Variants in ABCA2 observed in about 807,000 individuals in gnomAD.
The protein encoded by ABCA2 is ATP binding cassette subfamily A member 2.
A neutral mutation model predicts 262.8 loss-of-function variants in ABCA2; 84 were observed. The observed-to-expected ratio is 0.32, with a 90% CI of 0.27 to 0.38. The LOEUF (loss-of-function observed/expected upper bound fraction) is 0.38, where lower values mean the gene tolerates loss of function less well. Among genes scored for constraint, ABCA2 ranks in the 10% least tolerant of loss-of-function variants. The pLI is 1.00. For missense variants in ABCA2, 2,662 were observed against 3,405.9 expected (o/e 0.78, Z 5.44); for synonymous variants, 1,696 against 1,502.9 (o/e 1.13, Z -2.97).
At position 137,017,270 on chromosome 9, in the gene ABCA2, C is replaced by G; in HGVS notation, c.2479G>C (p.Val827Leu). 6.2e-7 allele frequency: 1 copy of G among 1,612,654 alleles called. No individual in the cohort carries two copies. The highest frequency in any genetic ancestry group is 8.5e-7 in the Non-Finnish European group (1 of 1,179,924). ...CGGIIYFLSY[V>L]PYMYVAIREE... ...CGGATCGCCACGTACATGTAGGGCA[C>G]GTAGCTCAGGAAGTAGATGATGCCA... Residue 827 changes from valine (V) to leucine (L), a missense_variant, in exon 18 of 49, where the codon GTG (valine) becomes CTG (leucine). By Grantham distance (32) the Val-to-Leu change is conservative. Around this residue, in one of 12 missense-constraint regions of ABCA2, gnomAD observed 188 missense variants for 343.4 expected, o/e 0.55. Transcript: ENST00000341511.
In ABCA2 at chr9:137,010,965, C is replaced by G; in HGVS notation, c.6056+8G>C. The G allele has an allele frequency of 1.3e-6, 2 of 1,515,244 alleles. No homozygotes were observed. Among genetic ancestry groups the G allele is most frequent in the Non-Finnish European group, 1.8e-6 (2 of 1,119,106 alleles). The allele number at this position is 1,515,244 out of a possible 1,614,324, so 93.9% of individuals were successfully genotyped here. A position where few individuals can be genotyped will look rare whatever the true frequency, so the allele number is the denominator to read the frequency against. The stretch of plus-strand genomic sequence containing the variant: ...CCCCGCCCCCGCCCCACCCCGCCCC[C>G]CACTCACTGTGGCCGCCGCAGGAAG... On this transcript the variant is annotated splice_region_variant and intron_variant, in intron 39 of 48. Transcript: ENST00000341511.
intron 47 of ABCA2, 26 bp from the exon 48 acceptor site, chr9:137,008,648 G>C (rs1192021552): frequency 1.6e-5 from 25 of 1,586,266 alleles, no homozygotes; most frequent in Non-Finnish European, 2.1e-5. Flanking sequence ...GGCGTGTGGG[G>C]AGGGGGCTGG....
intron 14 of ABCA2, 43 bp downstream of exon 14, chr9:137,018,135 C>A (rs906140477): frequency 6.2e-7 from 1 of 1,609,908 alleles, no homozygotes; most frequent in Admixed American, 1.7e-5. Flanking sequence ...CACCTGTCCT[C>A]CCCCATGAAT....
chr9:137,012,402 G>A, intron 32 of ABCA2, 26 bp from the exon 33 acceptor site: 1 of 1,609,662 alleles, frequency 6.2e-7, no homozygotes. Context: ...GACACAGAAA[G>A]GCCCCAGGAC....
rs759840269 is a variant in ABCA2 at position 137,014,725 on chromosome 9, G to A, written c.3968C>T (p.Ser1323Leu). The A allele has an allele frequency of 2.5e-6, 4 of 1,605,050 alleles. No homozygotes were observed. The highest frequency in any genetic ancestry group is 2.2e-5 in the East Asian group (1 of 44,588). Residue 1323 changes from serine (S) to leucine (L), a missense_variant, in exon 26 of 49, where the codon TCG becomes TTG. Around this residue, in one of 12 missense-constraint regions of ABCA2, gnomAD observed 297 missense variants for 286.5 expected, o/e 1.04. Transcript: ENST00000341511. The stretch of plus-strand genomic sequence containing the variant: ...GTTCTCCAGCGACTGATCCTCCTCC[G>A]ACACCTTGAGGAACACTTCCTCCAG... ...TTLEEVFLKV[S>L]EEDQSLENSE...
intron 1 of ABCA2, among the ~76,000 whole-genome samples, chr9:137,025,242 G>A (rs934936941): frequency 3.9e-5 from 6 of 152,350 alleles, no homozygotes; most frequent in Middle Eastern, 3.4e-3. Context: ...CACTTCACCT[G>A]AAAACCAAGG....
Position 137,022,922 on chromosome 9 carries a change from G to A in ABCA2, c.275+19C>T. The A allele has an allele frequency of 1.3e-6, 2 of 1,561,102 alleles. No homozygotes were observed. Among genetic ancestry groups the A allele is most frequent in the Non-Finnish European group, 1.7e-6 (2 of 1,152,470 alleles). On this transcript the variant is annotated intron_variant, in intron 4 of 48. Transcript: ENST00000341511. The stretch of plus-strand genomic sequence containing the variant: ...GGCTGGGGAGGGGTGGGTGCTCCGA[G>A]GGGCGGGTGGGCACTCACGTGGAGT...
At chr9:137,013,359 GC>G in intron 29 of ABCA2, 41 bp from the exon 30 acceptor site, 1 of 1,527,312 alleles carries the variant, frequency 6.5e-7, no homozygotes, top group South Asian at 1.2e-5. Flanking sequence ...GCCAGTCTCC[GC>G]CCCTCGCCAG....
chr9:137,007,841 C>T lies in ABCA2; in HGVS notation c.*88G>A, dbSNP rs187103753. On this transcript the variant is annotated 3_prime_UTR_variant, in exon 49 of 49. Transcript: ENST00000341511. ...CCTCCACTCCAGGCCCTGGCAGGCACTGGGGGACTTCTGTCCCCATTGTTG... is the reference window on the plus strand; with the variant it reads ...CCTCCACTCCAGGCCCTGGCAGGCATTGGGGGACTTCTGTCCCCATTGTTG... 1.6e-4 allele frequency: 250 copies of T among 1,546,900 alleles called. No individual in the cohort carries two copies. In the East Asian group the frequency reaches 5.5e-3, roughly 34 times the overall value.
Position 137,012,553 on chromosome 9 carries a change from T to A in ABCA2, c.5119A>T (p.Ile1707Phe). Residue 1707 changes from isoleucine (I) to phenylalanine (F), a missense_variant, in exon 32 of 49, where the codon ATC becomes TTC. By Grantham distance (21) the Ile-to-Phe change is conservative. This residue lies in a region of ABCA2 where 602 missense variants were observed against 897.4 expected (regional missense o/e 0.67). Transcript: ENST00000341511. ...GCCCTGGTGCCAAATGAGGCTGGGA[T>A]GGACTTCAGGACGTTTCCAAAGGTG... is the stretch of plus-strand genomic sequence containing the variant. ...AITFGNVLKS[I>F]PASFGTRAPP... The A allele has an allele frequency of 4.3e-6, 7 of 1,611,980 alleles. No individual in the cohort carries two copies. The highest frequency in any genetic ancestry group is 5.9e-6 in the Non-Finnish European group (7 of 1,179,884).
chr9:137,018,880 G>A (rs758734026), intron 12 of ABCA2, 23 bp downstream of exon 12: 5 of 1,611,980 alleles, frequency 3.1e-6, no homozygotes. Flanking sequence ...GTCGTGGGTT[G>A]GCTCGGAGGC....
intron 3 of ABCA2, 97 bp downstream of exon 3, chr9:137,023,741 G>A (rs1039194134): frequency 8.4e-6 from 6 of 714,722 alleles, no homozygotes; most frequent in African/African-American, 7.0e-5. Context: ...CGGGAGGGCT[G>A]TTAATGCAAG....
At chr9:137,013,809 C>T (rs1177642330) in intron 28 of ABCA2, 23 bp downstream of exon 28, 4 of 1,582,856 alleles carry the variant, frequency 2.5e-6, no homozygotes, top group East Asian at 2.3e-5. Context: ...AAGCCCAGCA[C>T]CCCTGTCCAG....
At position 137,011,301 on chromosome 9, in the gene ABCA2, C is replaced by T. The variant is rs145591245; in HGVS notation, c.5808G>A (p.Lys1936=). The T allele has an allele frequency of 8.7e-5, 141 of 1,611,926 alleles. No individual in the cohort carries two copies. In the East Asian group the frequency reaches 1.7e-3, roughly 20 times the overall value. The stretch of plus-strand genomic sequence containing the variant: ...AGCTTTTCAGGTAACTGTTGACAAC[C>T]TTCAGGTCCTGCGGGGTGGCCGGGG... ...LQLFEHDKDL[K]VVNSYLKSCF... The change falls in exon 38 of 49, where the codon AAG becomes AAA. Residue 1936 remains lysine, a synonymous_variant. Transcript: ENST00000341511. The surrounding 1 kb of genome is among the most constrained non-coding windows in gnomAD (Gnocchi z 8.8).
chr9:137,028,303 C>T (rs1294373029), upstream of ABCA2: 1 of 972,464 alleles, frequency 1.0e-6, no homozygotes, highest in East Asian at 1.2e-4. This position sits in a 1 kb window ranked among gnomAD's most constrained non-coding sequence, Gnocchi z 6.9. Context: ...GCCGCGGCGA[C>T]AGCGACTCTG....
chr9:137,010,469 G>T (rs1438853650), intron 40 of ABCA2, 98 bp from the exon 41 acceptor site: 1 of 1,409,708 alleles, frequency 7.1e-7, no homozygotes, highest in African/African-American at 1.6e-5. Context: ...AGAGCCCAGG[G>T]GGCCACGTGC....
chr9:137,013,139 A>T lies in ABCA2; in HGVS notation c.4730T>A (p.Leu1577Gln). Residue 1577 changes from leucine (L) to glutamine (Q), a missense_variant, in exon 30 of 49, where the codon CTG (leucine) becomes CAG (glutamine). Around this residue, in one of 12 missense-constraint regions of ABCA2, gnomAD observed 192 missense variants for 207.2 expected, o/e 0.93. Transcript: ENST00000341511. ...LAARFFDSMC[L>Q]ESFTQGLPLS... Reference sequence around the variant, plus strand: ...TGGCAGCCCCTGTGTGAAGGACTCCAGACACATGCTGTCGAAGAACCGAGC... The same window carrying T: ...TGGCAGCCCCTGTGTGAAGGACTCCTGACACATGCTGTCGAAGAACCGAGC... The T allele has an allele frequency of 6.3e-7, 1 of 1,599,546 alleles. No individual in the cohort carries two copies. The highest frequency in any genetic ancestry group is 8.5e-7 in the Non-Finnish European group (1 of 1,175,076).
chr9:137,019,423 C>CA lies in ABCA2; in HGVS notation c.1426-118_1426-117insT. 8.5e-7 allele frequency: 1 copy of CA among 1,180,020 alleles called. No individual in the cohort carries two copies. Among genetic ancestry groups the CA allele is most frequent in the Non-Finnish European group, 1.2e-6 (1 of 863,430 alleles). The allele number at this position is 1,180,020 out of a possible 1,614,324, so 73.1% of individuals were successfully genotyped here. Reference sequence around the variant, plus strand: ...CATTGCCAACAACTAACCCTCCCCACCTTTTTTTTTTTTTTTTTCCTGAGA... The same window carrying CA: ...CATTGCCAACAACTAACCCTCCCCACACTTTTTTTTTTTTTTTTTCCTGAGA... On this transcript the variant is annotated intron_variant, in intron 10 of 48. Transcript: ENST00000341511. The surrounding 1 kb of genome is among the most constrained non-coding windows in gnomAD (Gnocchi z 4.4).
intron 46 of ABCA2, 32 bp from the exon 47 acceptor site, chr9:137,008,900 G>GCCCCCCCCCCCCCCGGGCGGCCC: frequency 6.4e-7 from 1 of 1,555,274 alleles, no homozygotes; most frequent in Non-Finnish European, 8.7e-7. Flanking sequence ...GCCTGGCAGC[G>GCCCCCCCCCCCCCCGGGCGGCCC]CCCCCCCACC....
Sources: allele counts gnomAD v4.1 joint callset (sites outside exome capture counted in the v4.1 genomes callset), GRCh38; gene constraint gnomAD v4.1.1; regional missense constraint gnomAD v4.1.1; non-coding constraint Gnocchi (gnomAD v3.1); transcripts MANE v1.5; gene names NCBI Gene and HGNC (gene_info 2026-07-23, HGNC 2026-07-21).